The following MEIS1 variants were observed in gnomAD, a reference collection of about 807,000 sequenced individuals.
The protein encoded by MEIS1 is homeobox protein Meis1.
A neutral mutation model predicts 50.8 loss-of-function variants in MEIS1; 5 were observed. The observed-to-expected ratio is 0.10, with a 90% confidence interval of 0.05 to 0.21. The LOEUF (loss-of-function observed/expected upper bound fraction) is 0.21, where lower values mean the gene tolerates loss of function less well. MEIS1 is among the 10% of genes least tolerant of loss of function. The pLI is 1.00. For synonymous variants in MEIS1, 176 were observed against 179.3 expected (o/e 0.98, Z 0.15); for missense variants, 318 against 517.3 (o/e 0.61, Z 3.74).
chr2:66,490,782 T>G (rs113832794), intron 7 of MEIS1, among the ~76,000 whole-genome samples: 2,395 of 152,278 alleles, frequency 0.016, 38 homozygotes, highest in South Asian at 0.039. Flanking sequence ...GTCCCCACAC[T>G]TTGTTTTTAT....
intron 6 of MEIS1, among the ~76,000 whole-genome samples, chr2:66,443,924 G>A (rs1672064137): frequency 6.6e-6 from 1 of 152,094 alleles, no homozygotes; most frequent in Admixed American, 6.5e-5. Context: ...TACTAAGTGG[G>A]GACGACTTTT....
intron 8 of MEIS1, among the ~76,000 whole-genome samples, chr2:66,527,260 A>G (rs1674275349): frequency 6.6e-6 from 1 of 152,180 alleles, no homozygotes; most frequent in African/African-American, 2.4e-5. Flanking sequence ...TAAAGATCTA[A>G]CAGCCATCTT....
At chr2:66,443,222 C>T in intron 6 of MEIS1, 174 bp downstream of exon 6, 1 of 685,376 alleles carries the variant, frequency 1.5e-6, no homozygotes, top group Non-Finnish European at 2.2e-6. Context: ...TTCATTAAGG[C>T]TGGCTCTGGG....
chr2:66,502,225 C>A (rs1673574820), intron 7 of MEIS1, among the ~76,000 whole-genome samples: 1 of 152,098 alleles, frequency 6.6e-6, no homozygotes. Context: ...TGTTCAGAAA[C>A]ACATGGCTTC....
rs143907369 is a variant in MEIS1, at chr2:66,558,090, A to G, written c.966-9363A>G. On this transcript the variant is annotated intron_variant, in intron 9 of 12. Coordinates refer to ENST00000272369, the MANE Select transcript of MEIS1 (RefSeq NM_002398.3). Reference sequence around the variant, plus strand: ...AGGTTGGGAGTTCAAGACCAGCCTGATGAACATAGAAAAACCCCGTCTCTA... The same window carrying G: ...AGGTTGGGAGTTCAAGACCAGCCTGGTGAACATAGAAAAACCCCGTCTCTA... Among the ~76,000 whole-genome samples the G allele has an allele frequency of 8.7e-4, 132 of 152,130 alleles. 3 individuals carry two copies. The East Asian group carries it at 0.022, about 26-fold the overall frequency.
At chr2:66,470,620 G>A (rs536274593) in intron 7 of MEIS1, among the ~76,000 whole-genome samples, 1 of 152,230 alleles carries the variant, frequency 6.6e-6, no homozygotes, top group African/African-American at 2.4e-5. Flanking sequence ...GCACGAACTT[G>A]GCCATAAGCA....
intron 7 of MEIS1, among the ~76,000 whole-genome samples, chr2:66,506,276 G>A (rs1673682345): frequency 6.6e-6 from 1 of 152,196 alleles, no homozygotes; most frequent in South Asian, 2.1e-4. Flanking sequence ...CTACAGTCCA[G>A]CAAATACCTC....
In MEIS1 at chr2:66,440,052, C is replaced by CGT. The variant is rs778603843; in HGVS notation, c.381+69_381+70insTG. Reference sequence around the variant, plus strand: ...AGCCCCCCCTTCGCCAACACACACGCGCGCGCGCGCGCGCGAACACACACA... The same window carrying CGT: ...AGCCCCCCCTTCGCCAACACACACGCGTGCGCGCGCGCGCGCGAACACACACA... On this transcript the variant is annotated intron_variant, in intron 3 of 12. Coordinates refer to ENST00000272369, the MANE Select transcript of MEIS1 (RefSeq NM_002398.3). 48 of 1,355,032 alleles carry CGT rather than the reference C, an allele frequency of 3.5e-5. 1 individual carries two copies. The highest frequency in any genetic ancestry group is 4.2e-5 in the South Asian group (3 of 72,014). 83.9% of individuals were successfully genotyped at this position (1,355,032 alleles called of 1,614,324 possible).
intron 7 of MEIS1, among the ~76,000 whole-genome samples, chr2:66,469,824 A>G (rs1042134983): frequency 6.6e-6 from 1 of 152,180 alleles, no homozygotes; most frequent in East Asian, 1.9e-4. Context: ...TTTAATTTGA[A>G]AAACTACCGT....
chr2:66,516,383 C>A (rs1236263153), intron 8 of MEIS1, among the ~76,000 whole-genome samples: 1 of 152,084 alleles, frequency 6.6e-6, no homozygotes, highest in Admixed American at 6.6e-5. Flanking sequence ...TGATGGTGAA[C>A]TGATTTTCAT....
At chr2:66,437,463 C>T (rs1671825100) in intron 1 of MEIS1, 1 of 457,834 alleles carries the variant, frequency 2.2e-6, no homozygotes, top group Non-Finnish European at 3.9e-6. Flanking sequence ...TTCTTTCCTT[C>T]TTGCCAAAGG....
chr2:66,480,467 G>C (rs766171835), intron 7 of MEIS1, among the ~76,000 whole-genome samples: 11 of 152,202 alleles, frequency 7.2e-5, no homozygotes, highest in Non-Finnish European at 1.3e-4. Flanking sequence ...GGGATATTAT[G>C]TGATTTATCC....
intron 7 of MEIS1, among the ~76,000 whole-genome samples, chr2:66,482,728 C>T (rs544155551): frequency 5.3e-5 from 8 of 152,296 alleles, no homozygotes; most frequent in African/African-American, 1.9e-4. Context: ...ATTGGTAGTC[C>T]AGTGTTTGTT....
At chr2:66,542,345 A>C (rs950996418) in intron 8 of MEIS1, among the ~76,000 whole-genome samples, 3 of 152,152 alleles carry the variant, frequency 2.0e-5, no homozygotes, top group Non-Finnish European at 4.4e-5. Context: ...CTCAAGGTCA[A>C]CTTATATTAA....
intron 7 of MEIS1, among the ~76,000 whole-genome samples, chr2:66,494,898 G>T (rs1261081959): frequency 6.6e-6 from 1 of 152,040 alleles, no homozygotes; most frequent in African/African-American, 2.4e-5. Flanking sequence ...GAATGCATAT[G>T]TTTGGGGAAG....
chr2:66,535,613 G>A (rs935168094), intron 8 of MEIS1, among the ~76,000 whole-genome samples: 3 of 152,078 alleles, frequency 2.0e-5, no homozygotes, highest in Non-Finnish European at 2.9e-5. Context: ...AAACAAATAC[G>A]GTGGATCTGC....
At chr2:66,440,375 C>T in intron 3 of MEIS1, 187 bp from the exon 4 acceptor site, 2 of 635,396 alleles carry the variant, frequency 3.1e-6, no homozygotes, top group African/African-American at 1.8e-5. Flanking sequence ...TTGTTTTCAG[C>T]TTATTTAATT....
chr2:66,548,630 C>G (rs1013395345), intron 9 of MEIS1, among the ~76,000 whole-genome samples: 3 of 152,074 alleles, frequency 2.0e-5, no homozygotes, highest in African/African-American at 7.2e-5. Context: ...TACCAGCCAA[C>G]AATATTCTGA....
chr2:66,568,353 C>G (rs775606211), intron 10 of MEIS1: 1 of 261,278 alleles, frequency 3.8e-6, no homozygotes, highest in Non-Finnish European at 7.4e-6. Context: ...ATGTTAGCAT[C>G]GCATTGAGGC....
Sources: gnomAD v4.1 joint callset for allele counts (sites outside exome capture counted in the v4.1 genomes callset) on GRCh38, gnomAD v4.1.1 for gene constraint, MANE v1.5 for transcripts, NCBI Gene and HGNC (gene_info 2026-07-23, HGNC 2026-07-21) for gene names.